CNTNAP2: variants seen among roughly 807,000 people sequenced by gnomAD.
CNTNAP2 encodes contactin associated protein 2, also known as contactin-associated protein-like 2.
A neutral mutation model predicts 155.2 loss-of-function variants in CNTNAP2; 98 were observed. The ratio of observed to expected loss-of-function variants is 0.63; its 90% CI spans 0.54 to 0.75. The LOEUF (loss-of-function observed/expected upper bound fraction) is 0.75. Ranked by LOEUF, CNTNAP2 falls within the 30% of genes least tolerant of loss-of-function variation. The pLI is 0.00. For synonymous variants in CNTNAP2, 651 were observed against 631.2 expected, an observed-to-expected ratio of 1.03 and a Z score of -0.47; for missense variants, 1,727 against 1,688.1, an observed-to-expected ratio of 1.02 and a Z score of -0.40.
At chr7:147,729,912 G>A (rs966919150) in intron 13 of CNTNAP2, among the ~76,000 whole-genome samples, 1 of 151,976 alleles carries the variant, frequency 6.6e-6, no homozygotes, top group Non-Finnish European at 1.5e-5. Flanking sequence ...TGCTGCAAAT[G>A]GAATTCCTCT....
chr7:147,087,703 A>G (rs1461730740), intron 4 of CNTNAP2, among the ~76,000 whole-genome samples: 2 of 152,148 alleles, frequency 1.3e-5, no homozygotes, highest in Non-Finnish European at 2.9e-5. Context: ...AAGGCCGGGC[A>G]TGGTGGCTCA....
At chr7:147,535,556 G>A (rs1260439873) in intron 11 of CNTNAP2, among the ~76,000 whole-genome samples, 1 of 152,164 alleles carries the variant, frequency 6.6e-6, no homozygotes, top group African/African-American at 2.4e-5. Context: ...ATGATATTCA[G>A]ATTCTTCCCG....
intron 14 of CNTNAP2, among the ~76,000 whole-genome samples, chr7:147,951,675 A>C (rs935896477): frequency 2.0e-5 from 3 of 152,108 alleles, no homozygotes; most frequent in African/African-American, 7.2e-5. Flanking sequence ...CAATTCAAAA[A>C]TTTAGAGCAG....
chr7:146,171,648 C>G (rs1798392129), intron 1 of CNTNAP2, among the ~76,000 whole-genome samples: 1 of 151,298 alleles, frequency 6.6e-6, no homozygotes, highest in South Asian at 2.1e-4. Context: ...TGCATCAACA[C>G]CAGTTTGGGA....
At chr7:148,189,574 G>T (rs562614575) in intron 18 of CNTNAP2, among the ~76,000 whole-genome samples, 72 of 152,278 alleles carry the variant, frequency 4.7e-4, no homozygotes, top group African/African-American at 1.6e-3. Context: ...TCTTCTCTTT[G>T]CCCTTCTGCC....
intron 18 of CNTNAP2, among the ~76,000 whole-genome samples, chr7:148,216,871 C>T (rs938176022): frequency 9.9e-5 from 15 of 152,156 alleles, no homozygotes; most frequent in Non-Finnish European, 2.2e-4. Context: ...GAATAAGTCT[C>T]ACAAGAGCTG....
At chr7:146,431,718 A>G (rs1724507) in intron 1 of CNTNAP2, among the ~76,000 whole-genome samples, 81,246 of 151,720 alleles carry the variant, frequency 0.54, 25,476 homozygotes, top group African/African-American at 0.88. Flanking sequence ...GCTGGTTAGT[A>G]AGTAAGAAAA....
intron 1 of CNTNAP2, among the ~76,000 whole-genome samples, chr7:146,663,288 AAAAAAAAAAAG>A (rs1296571792): frequency 7.7e-6 from 1 of 130,398 alleles, no homozygotes; most frequent in African/African-American, 2.7e-5. Context: ...AAAAAAAAAA[AAAAAAAAAAAG>A]AAAGAAAGAA....
intron 1 of CNTNAP2, among the ~76,000 whole-genome samples, chr7:146,438,972 GT>G (rs1402809320): frequency 6.0e-5 from 9 of 151,256 alleles, no homozygotes; most frequent in South Asian, 2.1e-4. Context: ...ACCTTAAGAA[GT>G]TTTCTTTTCT....
At chr7:148,050,752 G>A (rs1802873757) in intron 15 of CNTNAP2, among the ~76,000 whole-genome samples, 1 of 152,004 alleles carries the variant, frequency 6.6e-6, no homozygotes. Flanking sequence ...GCCCTATACA[G>A]GTGTGCCATT....
intron 4 of CNTNAP2, among the ~76,000 whole-genome samples, chr7:147,051,385 G>T (rs201757623): frequency 1.3e-5 from 2 of 151,582 alleles, no homozygotes; most frequent in Non-Finnish European, 2.9e-5. Flanking sequence ...AACCTGTATC[G>T]CATTCAGGCA....
At chr7:147,632,603 C>G (rs761608549) in intron 12 of CNTNAP2, among the ~76,000 whole-genome samples, 1 of 152,096 alleles carries the variant, frequency 6.6e-6, no homozygotes, top group Non-Finnish European at 1.5e-5. Context: ...TATAAATTAC[C>G]CAGTCTCAGG....
At chr7:146,287,937 C>T (rs1338832492) in intron 1 of CNTNAP2, among the ~76,000 whole-genome samples, 2 of 151,904 alleles carry the variant, frequency 1.3e-5, no homozygotes, top group Non-Finnish European at 2.9e-5. Context: ...TAGTTGTCTC[C>T]AAAAATTTAA....
At chr7:146,242,759 T>G (rs1799583997) in intron 1 of CNTNAP2, among the ~76,000 whole-genome samples, 2 of 152,144 alleles carry the variant, frequency 1.3e-5, no homozygotes, top group Non-Finnish European at 2.9e-5. Context: ...AAAATATTAT[T>G]TCATAAAAAA....
chr7:146,647,487 G>C (rs1002322118), intron 1 of CNTNAP2, among the ~76,000 whole-genome samples: 1 of 152,006 alleles, frequency 6.6e-6, no homozygotes, highest in African/African-American at 2.4e-5. Flanking sequence ...TTTGTTTCTT[G>C]GTTGTTACTA....
chr7:148,063,539 G>T (rs1803198117), intron 15 of CNTNAP2, among the ~76,000 whole-genome samples: 1 of 149,572 alleles, frequency 6.7e-6, no homozygotes, highest in African/African-American at 2.4e-5. Flanking sequence ...TTCTTCTGTA[G>T]TGTCTAATCT....
intron 2 of CNTNAP2, among the ~76,000 whole-genome samples, chr7:146,827,940 T>G (rs1585110670): frequency 6.6e-6 from 1 of 152,120 alleles, no homozygotes; most frequent in East Asian, 1.9e-4. Context: ...TTATTGCCTT[T>G]ATTTTTCACA....
At chr7:147,926,450 A>G (rs1800400463) in intron 14 of CNTNAP2, among the ~76,000 whole-genome samples, 1 of 152,226 alleles carries the variant, frequency 6.6e-6, no homozygotes, top group Non-Finnish European at 1.5e-5. Context: ...TGTTTGATTT[A>G]TGCTTTTAAT....
At chr7:147,112,823 G>A (rs559473283) in intron 5 of CNTNAP2, among the ~76,000 whole-genome samples, 19 of 151,748 alleles carry the variant, frequency 1.3e-4, no homozygotes, top group Middle Eastern at 3.4e-3. Context: ...ATATTTGCCC[G>A]AAGTTTTGTT....
Sources: allele counts gnomAD v4.1 joint callset (sites outside exome capture counted in the v4.1 genomes callset), GRCh38; gene constraint gnomAD v4.1.1; transcripts MANE v1.5; gene names NCBI Gene and HGNC (gene_info 2026-07-23, HGNC 2026-07-21).